SLC35F4: variants seen among roughly 807,000 people sequenced by gnomAD.
SLC35F4 encodes the protein solute carrier family 35 member F4.
In SLC35F4, 24 loss-of-function variants were observed where a neutral mutation model predicts 44.2. That is an observed-to-expected ratio of 0.54 (90% confidence interval 0.39 to 0.76). SLC35F4 has a LOEUF of 0.76. SLC35F4 is among the 30% of genes least tolerant of loss of function. The probability of loss-of-function intolerance (pLI) is 0.00; values close to 1 mark genes in which losing one functional copy is unlikely to be tolerated. For synonymous variants in SLC35F4, 238 were observed against 223.6 expected, an observed-to-expected ratio of 1.06 and a Z score of -0.57; for missense variants, 562 against 586.1, an observed-to-expected ratio of 0.96 and a Z score of 0.42.
intron 1 of SLC35F4, among the ~76,000 whole-genome samples, chr14:57,887,798 T>C (rs1888681340): frequency 6.6e-6 from 1 of 152,190 alleles, no homozygotes; most frequent in Non-Finnish European, 1.5e-5. Flanking sequence ...AGAGGGAGCC[T>C]CAACAGCGAT....
intron 1 of SLC35F4, among the ~76,000 whole-genome samples, chr14:57,761,335 T>C (rs2077119772): frequency 6.6e-6 from 1 of 152,184 alleles, no homozygotes; most frequent in East Asian, 1.9e-4. Flanking sequence ...CAGGGGAAAC[T>C]GTTTACTTTC....
chr14:57,687,959 G>A (rs1482308814), intron 1 of SLC35F4, among the ~76,000 whole-genome samples: 2 of 152,234 alleles, frequency 1.3e-5, no homozygotes, highest in African/African-American at 2.4e-5. Flanking sequence ...CACACTGCAA[G>A]ATTGTAGAAT....
chr14:57,899,287 A>G (rs1169591426), intron 1 of SLC35F4, among the ~76,000 whole-genome samples: 1 of 152,164 alleles, frequency 6.6e-6, no homozygotes, highest in Non-Finnish European at 1.5e-5. Context: ...TTTTCACATA[A>G]GAAGTCTGAG....
chr14:57,851,585 A>G (rs559765052), intron 1 of SLC35F4, among the ~76,000 whole-genome samples: 16 of 152,326 alleles, frequency 1.1e-4, no homozygotes, highest in African/African-American at 3.6e-4. Context: ...TTCAAATGTA[A>G]TCTGATCCAA....
At chr14:57,628,951 C>T (rs2072621940) in intron 1 of SLC35F4, among the ~76,000 whole-genome samples, 1 of 152,066 alleles carries the variant, frequency 6.6e-6, no homozygotes, top group Non-Finnish European at 1.5e-5. Context: ...TGAGAATGAA[C>T]AGTGATGATA....
At chr14:57,566,370 G>T in intron 7 of SLC35F4, 105 bp downstream of exon 7, 1 of 1,057,850 alleles carries the variant, frequency 9.5e-7, no homozygotes, top group Non-Finnish European at 1.4e-6. Flanking sequence ...CCCAGGCAAG[G>T]AACATAATTC....
intron 1 of SLC35F4, among the ~76,000 whole-genome samples, chr14:57,757,177 G>A (rs375165946): frequency 2.0e-5 from 3 of 151,956 alleles, no homozygotes; most frequent in East Asian, 1.9e-4. Context: ...TACTCTTTGC[G>A]CTGAAATTTT....
chr14:57,957,280 G>A (rs1890254472), intron 1 of SLC35F4, among the ~76,000 whole-genome samples: 1 of 152,056 alleles, frequency 6.6e-6, no homozygotes, highest in Admixed American at 6.5e-5. Flanking sequence ...CACACACCGG[G>A]GACTGTCAGG....
At chr14:57,966,716 T>C (rs1890445325) in intron 1 of SLC35F4, among the ~76,000 whole-genome samples, 1 of 152,114 alleles carries the variant, frequency 6.6e-6, no homozygotes, top group Non-Finnish European at 1.5e-5. Flanking sequence ...TCATTAGCAA[T>C]TGAAATACAT....
At chr14:57,674,135 A>T (rs1345275669) in intron 1 of SLC35F4, among the ~76,000 whole-genome samples, 1 of 152,114 alleles carries the variant, frequency 6.6e-6, no homozygotes, top group Non-Finnish European at 1.5e-5. Flanking sequence ...TGCAGATTAG[A>T]GAAATGCAAA....
chr14:57,739,507 A>T (rs771573988), intron 1 of SLC35F4, among the ~76,000 whole-genome samples: 2 of 152,226 alleles, frequency 1.3e-5, no homozygotes, highest in African/African-American at 2.4e-5. Context: ...AGAAAAGGTA[A>T]TATCAAATGG....
chr14:57,571,915 G>A lies in SLC35F4; in HGVS notation c.912C>T (p.Ala304=). ...ATACCTTATATAATGCAGATGTAGA[G>A]GCTGAGCCCACCGCAAATGCCACTC... ...IIGVAFAVGS[A]STSALYKVLF... Residue 304 remains alanine (A), a synonymous_variant, in exon 5 of 8, where the codon GCC becomes GCT. Transcript: ENST00000556826. 2 of 1,612,610 alleles carry A rather than the reference G, an allele frequency of 1.2e-6. No individual in the cohort carries two copies. Among genetic ancestry groups the A allele is most frequent in the South Asian group, 1.1e-5 (1 of 90,776 alleles).
chr14:57,870,596 C>T (rs1888277738), upstream of SLC35F4, among the ~76,000 whole-genome samples: 1 of 152,194 alleles, frequency 6.6e-6, no homozygotes, highest in African/African-American at 2.4e-5. Flanking sequence ...CTTTGAGCTT[C>T]AGTTTCCTCC....
intron 1 of SLC35F4, among the ~76,000 whole-genome samples, chr14:57,932,685 C>T (rs1889720686): frequency 1.3e-5 from 2 of 152,072 alleles, no homozygotes; most frequent in Admixed American, 6.6e-5. Context: ...CCCATCTCTA[C>T]TAAAAATACA....
chr14:57,578,452 G>A (rs116854293), intron 4 of SLC35F4, among the ~76,000 whole-genome samples: 2,173 of 142,760 alleles, frequency 0.015, 25 homozygotes, highest in Non-Finnish European at 0.024. Flanking sequence ...TGTTGTCAGT[G>A]CTGTTTGCCC....
intron 1 of SLC35F4, among the ~76,000 whole-genome samples, chr14:57,955,280 A>G (rs2141083646): frequency 6.6e-6 from 1 of 152,350 alleles, no homozygotes; most frequent in South Asian, 2.1e-4. Context: ...CTAGGTATTG[A>G]TAGAACATAT....
chr14:57,842,016 T>C (rs140417057), intron 1 of SLC35F4, among the ~76,000 whole-genome samples: 111 of 152,328 alleles, frequency 7.3e-4, no homozygotes, highest in African/African-American at 2.4e-3. Context: ...TTCTTCACAA[T>C]AGGTAATTCT....
intron 1 of SLC35F4, among the ~76,000 whole-genome samples, chr14:57,659,024 G>A (rs1376970428): frequency 1.3e-5 from 2 of 152,096 alleles, no homozygotes; most frequent in Admixed American, 6.6e-5. Flanking sequence ...GGTTGGCTGG[G>A]CTCTCAGATA....
At chr14:57,586,897 C>G (rs553820868) in intron 3 of SLC35F4, among the ~76,000 whole-genome samples, 12 of 151,230 alleles carry the variant, frequency 7.9e-5, no homozygotes, top group Non-Finnish European at 1.6e-4. Flanking sequence ...ATTTTGCAAT[C>G]TACCCTTCTG....
Sources: gnomAD v4.1 joint callset for allele counts (sites outside exome capture counted in the v4.1 genomes callset) on GRCh38, gnomAD v4.1.1 for gene constraint, MANE v1.5 for transcripts, NCBI Gene and HGNC (gene_info 2026-07-23, HGNC 2026-07-21) for gene names.